CLSTN2: variants seen among roughly 807,000 people sequenced by gnomAD.
CLSTN2 encodes the protein calsyntenin 2.
CLSTN2 carries 48 observed loss-of-function variants against 101.2 expected under a neutral mutation model. That is an observed-to-expected ratio of 0.47 (90% CI 0.38 to 0.60). The LOEUF is 0.60. Among genes scored for constraint, CLSTN2 ranks in the 20% least tolerant of loss-of-function variants. CLSTN2 has a pLI of 0.00. For missense variants in CLSTN2, 1,160 were observed against 1,238.2 expected, an observed-to-expected ratio of 0.94 and a Z score of 0.95; for synonymous variants, 481 against 463.6, an observed-to-expected ratio of 1.04 and a Z score of -0.48.
chr3:140,236,383 T>A (rs373024654), intron 2 of CLSTN2, among the ~76,000 whole-genome samples: 1 of 152,340 alleles, frequency 6.6e-6, no homozygotes, highest in Admixed American at 6.5e-5. Context: ...TATGTGTAAT[T>A]TGCCTTTTTA....
intron 2 of CLSTN2, among the ~76,000 whole-genome samples, chr3:140,324,848 G>A (rs1473003685): frequency 1.3e-5 from 2 of 152,166 alleles, no homozygotes; most frequent in Non-Finnish European, 2.9e-5. Context: ...TTTGCACTGA[G>A]AACAGGTTAT....
chr3:140,515,595 T>C (rs962586109), intron 8 of CLSTN2, among the ~76,000 whole-genome samples: 4 of 152,182 alleles, frequency 2.6e-5, no homozygotes, highest in Non-Finnish European at 4.4e-5. Context: ...CAAAATTTTT[T>C]TTAATTTTCA....
At chr3:140,519,296 C>T (rs28855402) in intron 8 of CLSTN2, among the ~76,000 whole-genome samples, 15,978 of 152,266 alleles carry the variant, frequency 0.1, 1,048 homozygotes, top group Non-Finnish European at 0.15. Flanking sequence ...GAGAAGAATG[C>T]ATATTCTTGA....
intron 8 of CLSTN2, among the ~76,000 whole-genome samples, chr3:140,472,659 G>A (rs1263829706): frequency 6.6e-6 from 1 of 152,192 alleles, no homozygotes; most frequent in Non-Finnish European, 1.5e-5. Context: ...CTGTCCTTTA[G>A]GAACCAGTGT....
intron 1 of CLSTN2, among the ~76,000 whole-genome samples, chr3:140,115,467 T>C (rs1294618312): frequency 1.3e-5 from 2 of 152,178 alleles, no homozygotes; most frequent in African/African-American, 4.8e-5. Context: ...TCATCAGGGC[T>C]AAGAAGAGGC....
In CLSTN2 at chr3:140,544,097, T is replaced by A. The variant is rs555850614; in HGVS notation, c.1508-2418T>A. On this transcript the variant is annotated intron_variant, in intron 9 of 16. Transcript: ENST00000458420. ...CACTCTGCTGATATTCAAATCAACA[T>A]CTCCTTCAATTCAAGCAAACAATTA... is the stretch of plus-strand genomic sequence containing the variant. Among the ~76,000 whole-genome samples the A allele has an allele frequency of 8.5e-5, 13 of 152,248 alleles. No homozygotes were observed. The South Asian group carries it at 2.7e-3, about 32-fold the overall frequency.
chr3:139,992,122 C>T (rs1009340131), intron 1 of CLSTN2, among the ~76,000 whole-genome samples: 4 of 152,130 alleles, frequency 2.6e-5, no homozygotes, highest in Non-Finnish European at 5.9e-5. Context: ...TCAAGGGGCT[C>T]ACTAGCAACT....
At chr3:140,289,334 T>TTTTG (rs1399197059) in intron 2 of CLSTN2, among the ~76,000 whole-genome samples, 6 of 151,944 alleles carry the variant, frequency 3.9e-5, no homozygotes, top group Non-Finnish European at 8.8e-5. Flanking sequence ...TTGTGTTTTT[T>TTTTG]TTTGTTTGTT....
chr3:140,209,335 C>G (rs967309277), intron 2 of CLSTN2, among the ~76,000 whole-genome samples: 1 of 152,186 alleles, frequency 6.6e-6, no homozygotes, highest in African/African-American at 2.4e-5. Context: ...TGAATGGACT[C>G]TGATCCCTTA....
chr3:140,352,995 T>C (rs1019303265), intron 2 of CLSTN2, among the ~76,000 whole-genome samples: 3 of 152,176 alleles, frequency 2.0e-5, no homozygotes, highest in African/African-American at 7.2e-5. Context: ...ACTGTTTTTC[T>C]TGTCATTATT....
chr3:140,406,063 G>T (rs1171232409), intron 4 of CLSTN2, among the ~76,000 whole-genome samples: 1 of 152,204 alleles, frequency 6.6e-6, no homozygotes, highest in Non-Finnish European at 1.5e-5. Context: ...GGCAGCAAGG[G>T]TGAAGATGGT....
intron 8 of CLSTN2, among the ~76,000 whole-genome samples, chr3:140,511,021 C>T (rs769456715): frequency 6.6e-6 from 1 of 152,140 alleles, no homozygotes; most frequent in Non-Finnish European, 1.5e-5. Context: ...TACTCTACCC[C>T]GTTCGACAGG....
chr3:140,051,586 C>T (rs2007995028), intron 1 of CLSTN2, among the ~76,000 whole-genome samples: 1 of 152,192 alleles, frequency 6.6e-6, no homozygotes. Flanking sequence ...ACGCGTGTTT[C>T]TCCATCTGTT....
chr3:140,541,149 T>C (rs1935468490), intron 9 of CLSTN2, among the ~76,000 whole-genome samples: 1 of 152,098 alleles, frequency 6.6e-6, no homozygotes, highest in African/African-American at 2.4e-5. Flanking sequence ...TTGTCTGGCA[T>C]GTAGGCCAAA....
At chr3:140,361,402 T>A (rs2087728492) in intron 2 of CLSTN2, among the ~76,000 whole-genome samples, 1 of 152,140 alleles carries the variant, frequency 6.6e-6, no homozygotes, top group African/African-American at 2.4e-5. Context: ...GATGGAAATC[T>A]CTCTCCATAA....
chr3:140,136,594 G>T (rs2009619084), intron 1 of CLSTN2, among the ~76,000 whole-genome samples: 2 of 152,208 alleles, frequency 1.3e-5, no homozygotes, highest in African/African-American at 2.4e-5. Flanking sequence ...TTGGGTCAAA[G>T]GTACTTGAGC....
At chr3:139,963,819 C>T (rs1935550479) in intron 1 of CLSTN2, among the ~76,000 whole-genome samples, 1 of 152,204 alleles carries the variant, frequency 6.6e-6, no homozygotes, top group African/African-American at 2.4e-5. Flanking sequence ...TGTTAGGGAG[C>T]TCTTCCTGGG....
chr3:140,133,832 TCTC>T (rs2107805323), intron 1 of CLSTN2, among the ~76,000 whole-genome samples: 1 of 152,280 alleles, frequency 6.6e-6, no homozygotes, highest in South Asian at 2.1e-4. Flanking sequence ...CCAAAACAGT[TCTC>T]CTGCCCTGAG....
intron 1 of CLSTN2, among the ~76,000 whole-genome samples, chr3:140,077,351 T>A (rs2008509931): frequency 1.3e-5 from 2 of 152,158 alleles, no homozygotes; most frequent in African/African-American, 4.8e-5. Flanking sequence ...GATCAATCAG[T>A]TCCAGGCCAC....
Sources: gnomAD v4.1 joint callset for allele counts (sites outside exome capture counted in the v4.1 genomes callset) on GRCh38, gnomAD v4.1.1 for gene constraint, MANE v1.5 for transcripts, NCBI Gene and HGNC (gene_info 2026-07-23, HGNC 2026-07-21) for gene names.